Variants in CCNH observed in about 807,000 individuals in gnomAD.
CCNH encodes the protein cyclin-H.
In CCNH, 31 loss-of-function variants were observed where a neutral mutation model predicts 41.9. That is an observed-to-expected ratio of 0.74 (90% CI 0.56 to 1.00). The LOEUF (loss-of-function observed/expected upper bound fraction) is 1.00, where lower values mean the gene tolerates loss of function less well. Ranked by LOEUF, CCNH falls within the 50% of genes least tolerant of loss-of-function variation. The probability of loss-of-function intolerance (pLI) is 0.00; values close to 1 mark genes in which losing one functional copy is unlikely to be tolerated. For synonymous variants in CCNH, 138 were observed against 136.1 expected (o/e 1.01, Z -0.10); for missense variants, 362 against 388.4 (o/e 0.93, Z 0.57).
At chr5:87,390,562 TAGG>T (rs1762434142), downstream of CCNH, among the ~76,000 whole-genome samples, 1 of 152,110 alleles carries the variant, frequency 6.6e-6, no homozygotes, top group Non-Finnish European at 1.5e-5. Flanking sequence ...GCCTAAAAAA[TAGG>T]AGCATGCCAA....
chr5:87,396,058 CTA>C (rs1426750468), intron 7 of CCNH, among the ~76,000 whole-genome samples: 4 of 151,722 alleles, frequency 2.6e-5, no homozygotes, highest in African/African-American at 9.7e-5. Flanking sequence ...GAAAAAAATT[CTA>C]TCTGTACTGA....
intron 9 of CCNH, among the ~76,000 whole-genome samples, chr5:87,324,761 T>C (rs1757099172): frequency 6.6e-6 from 1 of 152,144 alleles, no homozygotes; most frequent in Middle Eastern, 3.2e-3. Flanking sequence ...GTTTAAGTGA[T>C]GTGTAGTTGG....
downstream of CCNH, chr5:87,389,645 T>A: frequency 7.6e-7 from 1 of 1,313,574 alleles, no homozygotes; most frequent in Non-Finnish European, 1.1e-6. Context: ...TTTGAGACTC[T>A]GCATCATATT....
intron 7 of CCNH, among the ~76,000 whole-genome samples, chr5:87,395,846 C>T (rs1401227667): frequency 6.6e-6 from 1 of 152,056 alleles, no homozygotes; most frequent in Non-Finnish European, 1.5e-5. Flanking sequence ...TCCATCACAC[C>T]TGGATGACAG....
chr5:87,328,005 C>T (rs763616095), intron 9 of CCNH, among the ~76,000 whole-genome samples: 7 of 151,450 alleles, frequency 4.6e-5, no homozygotes, highest in South Asian at 2.1e-4. Flanking sequence ...CCTATGTGGA[C>T]GTTAAAAAAG....
chr5:87,370,019 A>T lies in CCNH; in HGVS notation c.*90+22751T>A, dbSNP rs550416537. The stretch of plus-strand genomic sequence containing the variant: ...GTGACAGAACGCCTGAAATCTAATC[A>T]TCTCTTATTTTAAGGAATGAGATTT... On this transcript the variant is annotated intron_variant and NMD_transcript_variant, in intron 9 of 9. Transcript: ENST00000645953. 70 of 868,536 alleles carry T rather than the reference A, an allele frequency of 8.1e-5. 1 individual carries two copies. The African/African-American group carries it at 1.1e-3, about 13-fold the overall frequency. The allele number at this position is 868,536 out of a possible 1,614,324, so 53.8% of individuals were successfully genotyped here. A position where few individuals can be genotyped will look rare whatever the true frequency, so the allele number is the denominator to read the frequency against.
intron 3 of CCNH, 92 bp from the exon 4 acceptor site, chr5:87,408,278 T>A: frequency 1.7e-6 from 1 of 589,054 alleles, no homozygotes; most frequent in African/African-American, 1.9e-5. Context: ...AATTTATTTC[T>A]AAAAGTATAT....
At chr5:87,311,755 G>C in the CCNH span, among the ~76,000 whole-genome samples, 1 of 152,206 alleles carries the variant, frequency 6.6e-6, no homozygotes, top group African/African-American at 2.4e-5. Context: ...GCTGACTTTA[G>C]TAACTCCATC....
chr5:87,383,859 CTTT>C (rs370865130), intron 9 of CCNH: 655 of 893,764 alleles, frequency 7.3e-4, no homozygotes, highest in South Asian at 9.6e-4. Flanking sequence ...ACTCTTAAAT[CTTT>C]TTTTTTTTTT....
intron 9 of CCNH, among the ~76,000 whole-genome samples, chr5:87,368,071 A>G (rs1760656253): frequency 1.3e-5 from 2 of 152,094 alleles, no homozygotes; most frequent in South Asian, 2.1e-4. Context: ...ATCTGTTTAA[A>G]TGTTTAGTAT....
chr5:87,381,104 G>C (rs1297235175), upstream of CCNH, among the ~76,000 whole-genome samples: 1 of 151,796 alleles, frequency 6.6e-6, no homozygotes, highest in Admixed American at 6.6e-5. Flanking sequence ...TTATATAAAG[G>C]GACTTCATTA....
chr5:87,313,287 C>T, the CCNH span, among the ~76,000 whole-genome samples: 1 of 152,132 alleles, frequency 6.6e-6, no homozygotes, highest in Non-Finnish European at 1.5e-5. Context: ...AATTTTGGCT[C>T]TCCCTGGAGG....
intron 9 of CCNH, chr5:87,331,027 A>T (rs1272011729): frequency 7.5e-7 from 1 of 1,330,222 alleles, no homozygotes; most frequent in Non-Finnish European, 9.9e-7. Context: ...TTATTTTTCT[A>T]AGTAAAGATC....
intron 9 of CCNH, among the ~76,000 whole-genome samples, chr5:87,369,334 T>C (rs1220168690): frequency 6.6e-6 from 1 of 152,178 alleles, no homozygotes; most frequent in African/African-American, 2.4e-5. Context: ...AACAAGCATA[T>C]GTATGAAGAG....
chr5:87,311,727 G>A, the CCNH span, among the ~76,000 whole-genome samples: 5 of 152,168 alleles, frequency 3.3e-5, no homozygotes, highest in Middle Eastern at 3.2e-3. Context: ...TTTCATGAAG[G>A]TCTAAAGTGC....
At chr5:87,393,108 G>A (rs753706566), downstream of CCNH, among the ~76,000 whole-genome samples, 2 of 151,050 alleles carry the variant, frequency 1.3e-5, no homozygotes, top group African/African-American at 2.4e-5. Flanking sequence ...CAAGCCTACA[G>A]TGTAAAGAAT....
In CCNH at chr5:87,401,785, AG is replaced by A. The variant is rs1157890923; in HGVS notation, c.690-14del. 2.5e-5 allele frequency: 38 copies of A among 1,508,702 alleles called. No individual in the cohort carries two copies. Among genetic ancestry groups the A allele is most frequent in the Admixed American group, 4.1e-5 (2 of 48,972 alleles). The allele number at this position is 1,508,702 out of a possible 1,614,324, so 93.5% of individuals were successfully genotyped here. On this transcript the variant is annotated splice_polypyrimidine_tract_variant and intron_variant, in intron 5 of 8. Transcript: ENST00000256897. Reference sequence around the variant, plus strand: ...CTCTGATAAATAACTAGTAAAGAAAAGAAAAAAAAATCTATTGAAAACATAC... The same window carrying A: ...CTCTGATAAATAACTAGTAAAGAAAAAAAAAAAAATCTATTGAAAACATAC...
rs1759154150 is a variant in CCNH, at chr5:87,350,146, CTTGT to C, written c.*91-31253_*91-31250del. Among the ~76,000 whole-genome samples the C allele has an allele frequency of 2.0e-5, 3 of 151,934 alleles. No homozygotes were observed. In the East Asian group the frequency reaches 5.8e-4, roughly 29 times the overall value. On this transcript the variant is annotated intron_variant and NMD_transcript_variant, in intron 9 of 9. Coordinates refer to the CCNH transcript ENST00000645953. ...ATTTGAGTGAATAGAGATTCTGTAG[CTTGT>C]TTATCTGAAAAAAACCAAAAAACAA...
chr5:87,365,815 A>C (rs1760473540), intron 9 of CCNH, among the ~76,000 whole-genome samples: 1 of 152,150 alleles, frequency 6.6e-6, no homozygotes, highest in South Asian at 2.1e-4. Flanking sequence ...AATGCTAGTT[A>C]AGTTTATGAC....
Sources: gnomAD v4.1 joint callset for allele counts (sites outside exome capture counted in the v4.1 genomes callset) on GRCh38, gnomAD v4.1.1 for gene constraint, MANE v1.5 for transcripts, NCBI Gene and HGNC (gene_info 2026-07-23, HGNC 2026-07-21) for gene names.